ITSN2: variants seen among roughly 807,000 people sequenced by gnomAD.
ITSN2 encodes intersectin 2.
In ITSN2, 156 loss-of-function variants were observed where a neutral mutation model predicts 243.7. The ratio of observed to expected loss-of-function variants is 0.64; its 90% CI spans 0.56 to 0.73. ITSN2 has a LOEUF of 0.73. Among genes scored for constraint, ITSN2 ranks in the 30% least tolerant of loss-of-function variants. The pLI, the probability that ITSN2 is intolerant of heterozygous loss-of-function variation, is 0.00. For missense variants in ITSN2, 1,801 were observed against 1,996.1 expected (o/e 0.90, Z 1.86); for synonymous variants, 703 against 699.9 (o/e 1.00, Z -0.07).
chr2:24,210,729 C>A (rs1445683892), intron 34 of ITSN2, 51 bp downstream of exon 34: 8 of 1,566,062 alleles, frequency 5.1e-6, no homozygotes, highest in Non-Finnish European at 7.0e-6. Flanking sequence ...GGAGCTGGTT[C>A]CCCACCCAGA....
At chr2:24,216,913 A>G (rs1207404306) in intron 31 of ITSN2, among the ~76,000 whole-genome samples, 3 of 152,104 alleles carry the variant, frequency 2.0e-5, no homozygotes, top group African/African-American at 7.2e-5. Context: ...GTGAAACACC[A>G]TCTCTACTAA....
intron 18 of ITSN2, chr2:24,273,834 C>T (rs1677676244): frequency 6.6e-6 from 1 of 152,156 alleles, no homozygotes; most frequent in South Asian, 2.1e-4. Context: ...GCAAAGAGGC[C>T]ACAACTAAAA....
chr2:24,233,489 C>T (rs1671827014), intron 29 of ITSN2, among the ~76,000 whole-genome samples: 1 of 152,134 alleles, frequency 6.6e-6, no homozygotes, highest in Non-Finnish European at 1.5e-5. Context: ...GACTGTTCTG[C>T]TTTTGTGGTT....
At chr2:24,352,084 T>C (rs1477683797) in intron 1 of ITSN2, among the ~76,000 whole-genome samples, 1 of 152,192 alleles carries the variant, frequency 6.6e-6, no homozygotes, top group Non-Finnish European at 1.5e-5. Context: ...TAAATTAAAC[T>C]TTATCATAGG....
At chr2:24,246,490 T>TA (rs1673383661) in intron 28 of ITSN2, among the ~76,000 whole-genome samples, 170 bp from the exon 29 acceptor site, 1 of 152,154 alleles carries the variant, frequency 6.6e-6, no homozygotes. Context: ...TTCCTGGTCT[T>TA]ACAAAAACAA....
At chr2:24,230,156 A>G (rs2151196631) in intron 29 of ITSN2, among the ~76,000 whole-genome samples, 1 of 152,292 alleles carries the variant, frequency 6.6e-6, no homozygotes, top group South Asian at 2.1e-4. Flanking sequence ...CAAAAGCCAA[A>G]CCCCTAATCA....
chr2:24,298,647 C>T lies in ITSN2; in HGVS notation c.1494+18G>A. 1 of 1,589,082 alleles carries T rather than the reference C, an allele frequency of 6.3e-7. No individual in the cohort carries two copies. Among genetic ancestry groups the T allele is most frequent in the Non-Finnish European group, 8.5e-7 (1 of 1,171,786 alleles). ...TCCATCATCATTCAGATAAATTTCA[C>T]TTAAACTTCAGCCATACCAGTGCTT... On this transcript the variant is annotated intron_variant, in intron 13 of 39. Coordinates refer to ENST00000355123, the MANE Select transcript of ITSN2 (RefSeq NM_006277.3).
intron 1 of ITSN2, among the ~76,000 whole-genome samples, chr2:24,331,458 A>T (rs1685776174): frequency 6.6e-6 from 1 of 151,964 alleles, no homozygotes; most frequent in Non-Finnish European, 1.5e-5. Flanking sequence ...TCACTAATAG[A>T]ATGTCTCCGA....
chr2:24,289,232 C>A (rs1373580626), intron 15 of ITSN2, among the ~76,000 whole-genome samples: 1 of 152,078 alleles, frequency 6.6e-6, no homozygotes, highest in Non-Finnish European at 1.5e-5. Flanking sequence ...AATATTAATT[C>A]TTCCAATACA....
At chr2:24,347,800 G>A (rs548614713) in intron 1 of ITSN2, among the ~76,000 whole-genome samples, 9 of 151,840 alleles carry the variant, frequency 5.9e-5, no homozygotes, top group South Asian at 2.1e-4. Flanking sequence ...GGCTAAACAC[G>A]GTGGCTAATG....
chr2:24,203,890 G>T, intron 39 of ITSN2, 107 bp from the exon 40 acceptor site: 3 of 1,246,238 alleles, frequency 2.4e-6, no homozygotes, highest in East Asian at 2.3e-5. Flanking sequence ...CTGAAACAAG[G>T]AACTTCTTTT....
At chr2:24,343,649 A>G (rs539709558) in intron 1 of ITSN2, among the ~76,000 whole-genome samples, 35 of 152,300 alleles carry the variant, frequency 2.3e-4, no homozygotes, top group African/African-American at 7.5e-4. Context: ...ATTTTAATAG[A>G]TAATACCAAA....
intron 29 of ITSN2, chr2:24,239,718 A>G (rs953874649): frequency 2.0e-5 from 3 of 152,086 alleles, no homozygotes; most frequent in Admixed American, 2.0e-4. Flanking sequence ...GCTGACTTAT[A>G]CTGAATGAGG....
At chr2:24,353,454 T>C (rs544501316) in intron 1 of ITSN2, among the ~76,000 whole-genome samples, 1 of 151,826 alleles carries the variant, frequency 6.6e-6, no homozygotes, top group African/African-American at 2.4e-5. Context: ...AAAAAATTAG[T>C]TGGTCCCAGC....
chr2:24,253,716 A>G (rs1326544717), intron 24 of ITSN2, among the ~76,000 whole-genome samples: 1 of 152,266 alleles, frequency 6.6e-6, no homozygotes, highest in African/African-American at 2.4e-5. Flanking sequence ...AGAATCTTCA[A>G]CGTAACAGAT....
intron 1 of ITSN2, among the ~76,000 whole-genome samples, chr2:24,347,443 T>C (rs1687642828): frequency 6.6e-6 from 1 of 152,170 alleles, no homozygotes; most frequent in African/African-American, 2.4e-5. Flanking sequence ...TCCCAGCCCT[T>C]TGGGAGGCTG....
At chr2:24,322,903 C>T (rs1684749689) in intron 2 of ITSN2, among the ~76,000 whole-genome samples, 1 of 151,358 alleles carries the variant, frequency 6.6e-6, no homozygotes, top group African/African-American at 2.4e-5. Flanking sequence ...AAAAAAGGAA[C>T]AAAAGATTTG....
intron 13 of ITSN2, among the ~76,000 whole-genome samples, chr2:24,298,072 C>T (rs1336600190): frequency 6.6e-6 from 1 of 151,832 alleles, no homozygotes; most frequent in Non-Finnish European, 1.5e-5. Context: ...GCAACCTCCA[C>T]CTCCTGGGTT....
chr2:24,361,185 ACT>A (rs1333066469), upstream of ITSN2, among the ~76,000 whole-genome samples: 1 of 151,934 alleles, frequency 6.6e-6, no homozygotes, highest in Non-Finnish European at 1.5e-5. Flanking sequence ...CAGTAGGAAG[ACT>A]CTGTCCCCAT....
Sources: allele counts gnomAD v4.1 joint callset (sites outside exome capture counted in the v4.1 genomes callset), GRCh38; gene constraint gnomAD v4.1.1; transcripts MANE v1.5; gene names NCBI Gene and HGNC (gene_info 2026-07-23, HGNC 2026-07-21).